Variants in NAV2 observed in about 807,000 individuals in gnomAD.
The protein encoded by NAV2 is neuron navigator 2.
Under a neutral mutation model 223.2 loss-of-function variants are expected in NAV2, and 54 were observed. The observed-to-expected ratio is 0.24, with a 90% CI of 0.19 to 0.30. The LOEUF (loss-of-function observed/expected upper bound fraction) is 0.30. Ranked by LOEUF, NAV2 falls within the 10% of genes least tolerant of loss-of-function variation. The pLI, the probability that NAV2 is intolerant of heterozygous loss-of-function variation, is 1.00. For missense variants in NAV2, 2,806 were observed against 3,147.5 expected (o/e 0.89, Z 2.60); for synonymous variants, 1,279 against 1,239.3 (o/e 1.03, Z -0.67).
chr11:19,590,640 T>C (rs961080952), intron 1 of NAV2, among the ~76,000 whole-genome samples: 1 of 152,134 alleles, frequency 6.6e-6, no homozygotes, highest in East Asian at 1.9e-4. Context: ...AGCCAGGCCC[T>C]GGGGGACAGT....
intron 1 of NAV2, among the ~76,000 whole-genome samples, chr11:19,487,325 A>G (rs1282568479): frequency 6.6e-6 from 1 of 152,222 alleles, no homozygotes; most frequent in East Asian, 1.9e-4. Flanking sequence ...GCTTCTCAAA[A>G]TGGGAAAAGG....
At chr11:20,037,962 A>G (rs188250426) in intron 12 of NAV2, among the ~76,000 whole-genome samples, 116 of 152,208 alleles carry the variant, frequency 7.6e-4, no homozygotes, top group Middle Eastern at 3.4e-3. Context: ...GAGGCAGGCT[A>G]TTAGAGGTAC....
chr11:19,621,349 C>A (rs574714308), intron 1 of NAV2, among the ~76,000 whole-genome samples: 1 of 152,264 alleles, frequency 6.6e-6, no homozygotes, highest in African/African-American at 2.4e-5. Flanking sequence ...CCTCCTTATA[C>A]CTCTGGTAGA....
At chr11:19,914,135 G>A (rs1181452758) in intron 6 of NAV2, among the ~76,000 whole-genome samples, 1 of 152,230 alleles carries the variant, frequency 6.6e-6, no homozygotes, top group African/African-American at 2.4e-5. Flanking sequence ...CAAACACTAT[G>A]AATGAGAACT....
chr11:19,573,211 A>G (rs981995414), intron 1 of NAV2, among the ~76,000 whole-genome samples: 6 of 152,112 alleles, frequency 3.9e-5, no homozygotes, highest in South Asian at 2.1e-4. Flanking sequence ...CCCAGAAGTC[A>G]TCTTCTCAGT....
intron 1 of NAV2, among the ~76,000 whole-genome samples, chr11:19,679,329 G>T (rs994377283): frequency 2.7e-5 from 4 of 149,750 alleles, no homozygotes; most frequent in African/African-American, 9.7e-5. Context: ...TACTCTGGAG[G>T]CTGAGGCAGG....
intron 1 of NAV2, among the ~76,000 whole-genome samples, chr11:19,484,276 C>T (rs953078469): frequency 1.3e-5 from 2 of 152,170 alleles, no homozygotes; most frequent in Admixed American, 1.3e-4. Flanking sequence ...ACTTTGGGGT[C>T]GGTGACCTCT....
At chr11:19,989,793 G>T (rs1241650865) in intron 11 of NAV2, among the ~76,000 whole-genome samples, 2 of 152,054 alleles carry the variant, frequency 1.3e-5, no homozygotes, top group South Asian at 2.1e-4. Flanking sequence ...CGTGCCCAGG[G>T]TTACACACCT....
At chr11:19,768,071 C>G (rs1034603340) in intron 1 of NAV2, among the ~76,000 whole-genome samples, 2 of 152,238 alleles carry the variant, frequency 1.3e-5, no homozygotes, top group Non-Finnish European at 2.9e-5. Context: ...GGGAGTGATG[C>G]CAGGGCACAG....
chr11:20,057,253 T>C (rs2058421768), intron 19 of NAV2, among the ~76,000 whole-genome samples: 1 of 152,232 alleles, frequency 6.6e-6, no homozygotes, highest in Non-Finnish European at 1.5e-5. Flanking sequence ...AGGCACAGGA[T>C]TCTGCTTTTG....
intron 1 of NAV2, among the ~76,000 whole-genome samples, chr11:19,770,259 ATATT>A (rs970951389): frequency 2.4e-4 from 2 of 8,408 alleles, no homozygotes; most frequent in African/African-American, 3.0e-4. Context: ...GTTTAAAAAA[ATATT>A]TTTTTTTTCA....
chr11:19,563,517 G>T (rs562077727), intron 1 of NAV2, among the ~76,000 whole-genome samples: 1 of 152,166 alleles, frequency 6.6e-6, no homozygotes, highest in Non-Finnish European at 1.5e-5. Context: ...CCCTTGGATC[G>T]GGATGCACCT....
At chr11:19,822,767 C>T (rs2059445040) in intron 1 of NAV2, among the ~76,000 whole-genome samples, 1 of 152,154 alleles carries the variant, frequency 6.6e-6, no homozygotes, top group Non-Finnish European at 1.5e-5. Flanking sequence ...TATAAATGTT[C>T]ATGTTAGCCA....
intron 1 of NAV2, among the ~76,000 whole-genome samples, chr11:19,692,239 A>T (rs887698092): frequency 2.0e-5 from 3 of 152,246 alleles, no homozygotes; most frequent in Non-Finnish European, 4.4e-5. Flanking sequence ...ACTAGAACGA[A>T]GTCCGCAAAC....
chr11:19,680,450 A>G (rs1365957859), intron 1 of NAV2, among the ~76,000 whole-genome samples: 2 of 152,082 alleles, frequency 1.3e-5, no homozygotes, highest in African/African-American at 4.8e-5. Flanking sequence ...GTTTTTAAAT[A>G]TCAACCACCC....
chr11:19,782,281 T>C (rs925762059), intron 1 of NAV2, among the ~76,000 whole-genome samples: 3 of 152,140 alleles, frequency 2.0e-5, no homozygotes, highest in African/African-American at 7.2e-5. Flanking sequence ...AACCAAAGCA[T>C]GTGAGGAAGG....
intron 1 of NAV2, among the ~76,000 whole-genome samples, chr11:19,628,718 G>A (rs991897844): frequency 2.0e-5 from 3 of 152,074 alleles, no homozygotes; most frequent in African/African-American, 4.8e-5. Flanking sequence ...CACAGGTGTC[G>A]ACATTCATGA....
chr11:19,925,626 A>G (rs2153232674), intron 6 of NAV2, among the ~76,000 whole-genome samples: 1 of 152,142 alleles, frequency 6.6e-6, no homozygotes, highest in African/African-American at 2.4e-5. Flanking sequence ...GTGCATGCCT[A>G]TAATCCCACT....
At chr11:20,015,568 G>A (rs1315635554) in intron 11 of NAV2, among the ~76,000 whole-genome samples, 1 of 152,056 alleles carries the variant, frequency 6.6e-6, no homozygotes, top group Non-Finnish European at 1.5e-5. Context: ...CATATCTCAT[G>A]GATTGCGGTT....
Sources: allele counts gnomAD v4.1 joint callset (sites outside exome capture counted in the v4.1 genomes callset), GRCh38; gene constraint gnomAD v4.1.1; transcripts MANE v1.5; gene names NCBI Gene and HGNC (gene_info 2026-07-23, HGNC 2026-07-21).